The following STARD13 variants were observed in gnomAD, a reference collection of about 807,000 sequenced individuals.
STARD13 encodes stAR-related lipid transfer protein 13.
STARD13 carries 62 observed loss-of-function variants against 106.4 expected under a neutral mutation model. The ratio of observed to expected loss-of-function variants is 0.58; its 90% CI spans 0.48 to 0.72. The LOEUF is 0.72. Ranked by LOEUF, STARD13 falls within the 30% of genes least tolerant of loss-of-function variation. The probability of loss-of-function intolerance (pLI) is 0.00; values close to 1 mark genes in which losing one functional copy is unlikely to be tolerated. For missense variants in STARD13, 1,387 were observed against 1,424.0 expected, an observed-to-expected ratio of 0.97 and a Z score of 0.42; for synonymous variants, 565 against 553.0, an observed-to-expected ratio of 1.02 and a Z score of -0.31.
chr13:33,177,942 AG>A (rs1349629797), intron 1 of STARD13, among the ~76,000 whole-genome samples: 1 of 11,704 alleles, frequency 8.5e-5, no homozygotes, highest in East Asian at 2.5e-3. Flanking sequence ...GAAGGAAGGA[AG>A]GAAGGAAGGA....
At chr13:33,626,838 G>A in the STARD13 span, among the ~76,000 whole-genome samples, 8 of 152,170 alleles carry the variant, frequency 5.3e-5, no homozygotes, top group Non-Finnish European at 1.2e-4. Flanking sequence ...CCTGTCTGTG[G>A]GTCCATGTTG....
the STARD13 span, among the ~76,000 whole-genome samples, chr13:33,540,379 AT>A: frequency 1.3e-5 from 2 of 152,206 alleles, no homozygotes; most frequent in African/African-American, 4.8e-5. Flanking sequence ...TGGAGACATT[AT>A]TAAGGAAAAT....
the STARD13 span, among the ~76,000 whole-genome samples, chr13:33,532,132 T>G: frequency 2.0e-5 from 3 of 152,194 alleles, no homozygotes; most frequent in Non-Finnish European, 4.4e-5. Flanking sequence ...TGAAGCTCAT[T>G]TTCTAGCAGG....
At chr13:33,621,150 A>C in the STARD13 span, among the ~76,000 whole-genome samples, 1 of 151,988 alleles carries the variant, frequency 6.6e-6, no homozygotes, top group Non-Finnish European at 1.5e-5. Context: ...GAAAATGTGT[A>C]AACAATAAAG....
At chr13:33,198,878 A>T (rs759364899) in intron 1 of STARD13, among the ~76,000 whole-genome samples, 2 of 152,218 alleles carry the variant, frequency 1.3e-5, no homozygotes, top group African/African-American at 2.4e-5. Flanking sequence ...GAAAATCGCC[A>T]CCTTCCTCAT....
At chr13:33,457,933 A>G in the STARD13 span, among the ~76,000 whole-genome samples, 204 of 152,328 alleles carry the variant, frequency 1.3e-3, no homozygotes, top group Non-Finnish European at 2.7e-3. Context: ...TTTTGATAAC[A>G]AAAACTGCTA....
At chr13:33,276,081 T>A (rs1304306036) in intron 1 of STARD13, 1 of 152,206 alleles carries the variant, frequency 6.6e-6, no homozygotes, top group Non-Finnish European at 1.5e-5. Flanking sequence ...TTCTAGGAAG[T>A]CAGTGATAAA....
At chr13:33,490,383 G>A in the STARD13 span, among the ~76,000 whole-genome samples, 15 of 152,020 alleles carry the variant, frequency 9.9e-5, no homozygotes, top group African/African-American at 2.9e-4. Context: ...TCTTTGGTCC[G>A]CCACATCCCC....
chr13:33,490,335 G>GC, the STARD13 span, among the ~76,000 whole-genome samples: 1 of 152,098 alleles, frequency 6.6e-6, no homozygotes, highest in Non-Finnish European at 1.5e-5. Flanking sequence ...GATACTCATG[G>GC]CCCTAAATGA....
rs747665899 is a variant in STARD13, at chr13:33,110,918, G to A, written c.2608-11C>T. On this transcript the variant is annotated splice_polypyrimidine_tract_variant and intron_variant, in intron 10 of 13. Coordinates refer to ENST00000336934, the MANE Select transcript of STARD13 (RefSeq NM_178006.4). ...CAACTCGTGTGGAACCTAGACCAAC[G>A]GATGCATGAAAGGGCAACACACTGA... is the stretch of plus-strand genomic sequence containing the variant. 8.1e-6 allele frequency: 13 copies of A among 1,609,396 alleles called. No individual in the cohort carries two copies. Among genetic ancestry groups the A allele is most frequent in the South Asian group, 5.5e-5 (5 of 90,936 alleles).
At chr13:33,317,853 C>T (rs897680676) in intron 1 of STARD13, among the ~76,000 whole-genome samples, 4 of 152,122 alleles carry the variant, frequency 2.6e-5, no homozygotes, top group Admixed American at 6.5e-5. Flanking sequence ...AATGGATGGA[C>T]GGATGGATGA....
upstream of STARD13, among the ~76,000 whole-genome samples, chr13:33,353,919 C>G (rs1207122100): frequency 2.0e-5 from 3 of 152,136 alleles, no homozygotes; most frequent in Non-Finnish European, 4.4e-5. Context: ...TCCTCAGTGC[C>G]TAAAACAGTC....
chr13:33,490,153 T>C, the STARD13 span, among the ~76,000 whole-genome samples: 6 of 152,142 alleles, frequency 3.9e-5, no homozygotes, highest in Non-Finnish European at 8.8e-5. Context: ...AAAAATTTGT[T>C]TTTTTATGTG....
the STARD13 span, among the ~76,000 whole-genome samples, chr13:33,675,723 T>A: frequency 6.6e-5 from 10 of 152,154 alleles, no homozygotes; most frequent in African/African-American, 2.2e-4. Flanking sequence ...AGTAGGAACA[T>A]GTGGACAAAG....
chr13:33,491,009 T>A, the STARD13 span, among the ~76,000 whole-genome samples: 1 of 152,202 alleles, frequency 6.6e-6, no homozygotes, highest in Non-Finnish European at 1.5e-5. Flanking sequence ...CATACCCCTG[T>A]CTCATATCCT....
the STARD13 span, among the ~76,000 whole-genome samples, chr13:33,509,849 A>C: frequency 1.3e-5 from 2 of 152,208 alleles, no homozygotes; most frequent in African/African-American, 4.8e-5. Flanking sequence ...GGAAGGAGGA[A>C]CTAAAATGTT....
chr13:33,356,823 A>G, the STARD13 span, among the ~76,000 whole-genome samples: 1 of 152,236 alleles, frequency 6.6e-6, no homozygotes, highest in African/African-American at 2.4e-5. Context: ...GTCACTCATG[A>G]GAATTATAAA....
chr13:33,124,969 T>C (rs630243), intron 7 of STARD13, among the ~76,000 whole-genome samples: 80,928 of 152,068 alleles, frequency 0.53, 23,009 homozygotes, highest in Non-Finnish European at 0.63. Flanking sequence ...AAAAATGTTA[T>C]GTGCAGATTC....
At chr13:33,178,810 G>A (rs557306816) in intron 1 of STARD13, among the ~76,000 whole-genome samples, 1 of 152,208 alleles carries the variant, frequency 6.6e-6, no homozygotes, top group African/African-American at 2.4e-5. Flanking sequence ...AAGTTTCAAG[G>A]TTGTACTCAA....
Sources: allele counts gnomAD v4.1 joint callset (sites outside exome capture counted in the v4.1 genomes callset), GRCh38; gene constraint gnomAD v4.1.1; transcripts MANE v1.5; gene names NCBI Gene and HGNC (gene_info 2026-07-23, HGNC 2026-07-21).